The following RAB23 variants were observed in gnomAD, a reference collection of about 807,000 sequenced individuals.
The protein encoded by RAB23 is ras-related protein Rab-23.
In RAB23, 15 loss-of-function variants were observed where a neutral mutation model predicts 30.0. That is an observed-to-expected ratio of 0.50 (90% CI 0.33 to 0.77). RAB23 has a LOEUF of 0.77. Ranked by LOEUF, RAB23 falls within the 30% of genes least tolerant of loss-of-function variation. RAB23 has a pLI of 0.02. For synonymous variants in RAB23, 93 were observed against 94.0 expected (o/e 0.99, Z 0.06); for missense variants, 243 against 275.4 (o/e 0.88, Z 0.83).
Position 57,190,239 on chromosome 6 carries a change from C to A in RAB23, c.*222G>T. ...CCTTTACAAACAGGAGAAGCTTCGT[C>A]TAATGTAAAAAAAATTAAAGGAGTC... On this transcript the variant is annotated 3_prime_UTR_variant, in exon 7 of 7. Coordinates refer to ENST00000468148, the MANE Select transcript of RAB23 (RefSeq NM_016277.5). The A allele has an allele frequency of 1.9e-6, 1 of 520,154 alleles. No homozygotes were observed. The highest frequency in any genetic ancestry group is 3.4e-6 in the Non-Finnish European group (1 of 292,032). The allele number at this position is 520,154 out of a possible 1,614,324, so 32.2% of individuals were successfully genotyped here.
intron 1 of RAB23, among the ~76,000 whole-genome samples, chr6:57,220,050 G>A (rs1376473358): frequency 6.6e-6 from 1 of 152,128 alleles, no homozygotes; most frequent in Non-Finnish European, 1.5e-5. Flanking sequence ...AACATATAAA[G>A]AGCCTTCAAA....
chr6:57,220,793 G>A (rs1766027185), intron 1 of RAB23, among the ~76,000 whole-genome samples: 1 of 151,678 alleles, frequency 6.6e-6, no homozygotes, highest in African/African-American at 2.4e-5. Context: ...CTGTAGTGGT[G>A]GTTACATGAG....
chr6:57,196,098 T>G (rs1765014098), intron 4 of RAB23, among the ~76,000 whole-genome samples: 1 of 152,224 alleles, frequency 6.6e-6, no homozygotes, highest in Non-Finnish European at 1.5e-5. Context: ...TTACTTATTC[T>G]GGGTATTACA....
chr6:57,192,014 CT>C (rs1328135395), intron 6 of RAB23, among the ~76,000 whole-genome samples: 81 of 145,554 alleles, frequency 5.6e-4, no homozygotes, highest in Middle Eastern at 3.6e-3. Context: ...GCTAATTTTT[CT>C]TTTTTTTTTT....
intron 4 of RAB23, among the ~76,000 whole-genome samples, chr6:57,196,121 GCTTTT>G (rs1372140823): frequency 6.6e-6 from 1 of 152,138 alleles, no homozygotes; most frequent in African/African-American, 2.4e-5. Flanking sequence ...ATCTAGGGAT[GCTTTT>G]CTTAACATTC....
At chr6:57,219,757 A>G (rs900179751) in intron 1 of RAB23, among the ~76,000 whole-genome samples, 2 of 152,226 alleles carry the variant, frequency 1.3e-5, no homozygotes, top group Admixed American at 6.5e-5. Context: ...CTGGACATCC[A>G]TATGCAAAAA....
At chr6:57,201,541 C>T (rs79743368) in intron 3 of RAB23, among the ~76,000 whole-genome samples, 1 of 152,212 alleles carries the variant, frequency 6.6e-6, no homozygotes, top group African/African-American at 2.4e-5. Context: ...TTTGTCCTAT[C>T]ACATTCTTCA....
At chr6:57,218,648 C>T (rs1407002884) in intron 1 of RAB23, among the ~76,000 whole-genome samples, 3 of 151,986 alleles carry the variant, frequency 2.0e-5, no homozygotes, top group Admixed American at 6.6e-5. Flanking sequence ...GTCAGGAGTT[C>T]GAGACCAGCC....
intron 3 of RAB23, among the ~76,000 whole-genome samples, chr6:57,203,152 T>C (rs182113477): frequency 2.6e-4 from 39 of 151,930 alleles, no homozygotes; most frequent in African/African-American, 8.4e-4. Context: ...ATTACAGGTG[T>C]GCGCCACCAC....
chr6:57,194,965 G>T, intron 4 of RAB23, 113 bp from the exon 5 acceptor site: 1 of 756,654 alleles, frequency 1.3e-6, no homozygotes, highest in Non-Finnish European at 2.3e-6. Context: ...AGGGAGGGAA[G>T]GTGGATCAGA....
intron 1 of RAB23, among the ~76,000 whole-genome samples, chr6:57,210,843 A>T (rs1765628035): frequency 6.6e-6 from 1 of 152,226 alleles, no homozygotes; most frequent in Non-Finnish European, 1.5e-5. Context: ...TTGATCAATG[A>T]TACACATAAA....
At chr6:57,220,690 A>G (rs1285723059) in intron 1 of RAB23, among the ~76,000 whole-genome samples, 2 of 152,234 alleles carry the variant, frequency 1.3e-5, no homozygotes, top group Non-Finnish European at 2.9e-5. Context: ...AGAAAAGATT[A>G]GTAATTGCCA....
In RAB23 at chr6:57,222,030, C is replaced by T. The variant is rs1480977933; in HGVS notation, c.-370G>A. 1 of 152,384 alleles carries T rather than the reference C, an allele frequency of 6.6e-6. No individual in the cohort carries two copies. The highest frequency in any genetic ancestry group is 2.4e-5 in the African/African-American group (1 of 41,472). The allele number at this position is 152,384 out of a possible 1,614,324, so 9.4% of individuals were successfully genotyped here. On this transcript the variant is annotated 5_prime_UTR_variant, in exon 1 of 7. Transcript: ENST00000468148. ...GCGCGAGCCGCTACTCACCGTCCCCCACCGGCCGCGGACCCGCCGCCCGGC... is the reference window on the plus strand; with the variant it reads ...GCGCGAGCCGCTACTCACCGTCCCCTACCGGCCGCGGACCCGCCGCCCGGC...
intron 6 of RAB23, among the ~76,000 whole-genome samples, chr6:57,191,870 T>G (rs1368691563): frequency 6.6e-6 from 1 of 151,070 alleles, no homozygotes; most frequent in Non-Finnish European, 1.5e-5. Context: ...TTTTAAGAGA[T>G]AGGGTCTTGC....
intron 3 of RAB23, among the ~76,000 whole-genome samples, chr6:57,201,083 TC>T (rs141800839): frequency 6.4e-5 from 9 of 140,950 alleles, no homozygotes; most frequent in East Asian, 2.0e-4. Context: ...ATTTTCTCTC[TC>T]TCTTTTTTTT....
At chr6:57,209,830 T>G (rs1231567366) in intron 2 of RAB23, among the ~76,000 whole-genome samples, 1 of 152,176 alleles carries the variant, frequency 6.6e-6, no homozygotes, top group East Asian at 1.9e-4. Context: ...CATACAGTCT[T>G]GCCTAGTTTC....
At chr6:57,194,722 A>G in intron 5 of RAB23, 48 bp downstream of exon 5, 1 of 1,355,260 alleles carries the variant, frequency 7.4e-7, no homozygotes, top group Non-Finnish European at 1.0e-6. Context: ...TTAAAAGCGC[A>G]AGAATAAAAT....
intron 6 of RAB23, among the ~76,000 whole-genome samples, chr6:57,191,607 G>A (rs999530522): frequency 2.2e-4 from 34 of 151,322 alleles, no homozygotes; most frequent in African/African-American, 8.0e-4. Context: ...CTGCCGCCAC[G>A]CCCGGCTAAT....
chr6:57,210,394 A>G lies in RAB23; in HGVS notation c.-14T>C, dbSNP rs1765609894. Reference sequence around the variant, plus strand: ...TTCCTCCAACATTTTTGGAGCTGAAATGGTTTCTGTACCAACTCTAATTCT... The same window carrying G: ...TTCCTCCAACATTTTTGGAGCTGAAGTGGTTTCTGTACCAACTCTAATTCT... On this transcript the variant is annotated 5_prime_UTR_variant, in exon 2 of 7. Coordinates refer to ENST00000468148, the MANE Select transcript of RAB23 (RefSeq NM_016277.5). The G allele has an allele frequency of 1.2e-6, 2 of 1,613,528 alleles. No individual in the cohort carries two copies. Among genetic ancestry groups the G allele is most frequent in the Non-Finnish European group, 8.5e-7 (1 of 1,179,606 alleles).
Sources: allele counts gnomAD v4.1 joint callset (sites outside exome capture counted in the v4.1 genomes callset), GRCh38; gene constraint gnomAD v4.1.1; transcripts MANE v1.5; gene names NCBI Gene and HGNC (gene_info 2026-07-23, HGNC 2026-07-21).